The following GATAD2A variants were observed in gnomAD, a reference collection of about 807,000 sequenced individuals.
GATAD2A encodes the protein GATA zinc finger domain containing 2A.
GATAD2A carries 12 observed loss-of-function variants against 68.5 expected under a neutral mutation model. That is an observed-to-expected ratio of 0.18 (90% confidence interval 0.11 to 0.28). The LOEUF (loss-of-function observed/expected upper bound fraction) is 0.28. GATAD2A is among the 10% of genes least tolerant of loss of function. The probability of loss-of-function intolerance (pLI) is 1.00; values close to 1 mark genes in which losing one functional copy is unlikely to be tolerated. For missense variants in GATAD2A, 755 were observed against 868.5 expected (o/e 0.87, Z 1.64); for synonymous variants, 410 against 375.3 (o/e 1.09, Z -1.07).
chr19:19,413,369 C>T (rs1013918948), intron 1 of GATAD2A, among the ~76,000 whole-genome samples: 6 of 152,184 alleles, frequency 3.9e-5, no homozygotes, highest in Non-Finnish European at 8.8e-5. Context: ...CCGTCACTCT[C>T]GAGACCTGTG....
intron 1 of GATAD2A, among the ~76,000 whole-genome samples, chr19:19,455,375 A>T (rs951160935): frequency 1.3e-5 from 2 of 152,092 alleles, no homozygotes; most frequent in Non-Finnish European, 2.9e-5. Context: ...CTGTAGTCCC[A>T]CTTACTCGGG....
chr19:19,439,487 C>T (rs992868215), intron 1 of GATAD2A, among the ~76,000 whole-genome samples: 2 of 151,964 alleles, frequency 1.3e-5, no homozygotes, highest in African/African-American at 4.8e-5. Context: ...TGATGGGAGT[C>T]AGGTAGTGCC....
chr19:19,387,035 CTG>C (rs2048484483), intron 1 of GATAD2A, among the ~76,000 whole-genome samples: 1 of 152,152 alleles, frequency 6.6e-6, no homozygotes, highest in African/African-American at 2.4e-5. Context: ...CCCCATCTCT[CTG>C]AGAGACCCTC....
In GATAD2A at chr19:19,479,423, A is replaced by G. The variant is rs75260583; in HGVS notation, c.270-12883A>G. Among the ~76,000 whole-genome samples the G allele has an allele frequency of 6.8e-3, 1,033 of 152,098 alleles. 6 individuals carry two copies. The highest frequency in any genetic ancestry group is 0.01 in the Middle Eastern group (3 of 294). ...TTAACCGAGTTCATACTTTATTCTG[A>G]TTTCCTCAGTTTTTTCCAGCTGTCC... On this transcript the variant is annotated intron_variant, in intron 2 of 11. Coordinates refer to ENST00000683918, the MANE Select transcript of GATAD2A (RefSeq NM_001384528.1).
chr19:19,486,135 G>C (rs2059411438), intron 2 of GATAD2A, among the ~76,000 whole-genome samples: 1 of 152,206 alleles, frequency 6.6e-6, no homozygotes, highest in South Asian at 2.1e-4. Context: ...CCCTTGGGGG[G>C]TTTGTGAATG....
At position 19,502,000 on chromosome 19, in the gene GATAD2A, G is replaced by A. The variant is rs1376397007; in HGVS notation, c.1535G>A (p.Arg512His). ...VIKPRRKLAF[R>H]SGEARDWSNG... ...AAACCCCGGCGTAAGTTGGCGTTCC[G>A]CTCAGGAGAGGCCCGCGACTGGAGT... Residue 512 changes from arginine to histidine, a missense_variant, in exon 10 of 12, where the codon CGC becomes CAC. Arg to His is a conservative substitution (Grantham distance 29, BLOSUM62 0). Coordinates refer to ENST00000683918, the MANE Select transcript of GATAD2A (RefSeq NM_001384528.1). 9.3e-6 allele frequency: 15 copies of A among 1,613,986 alleles called. No individual in the cohort carries two copies. Among genetic ancestry groups the A allele is most frequent in the East Asian group, 2.2e-5 (1 of 44,880 alleles).
intron 1 of GATAD2A, among the ~76,000 whole-genome samples, chr19:19,386,509 A>G (rs2048432584): frequency 6.6e-6 from 1 of 150,928 alleles, no homozygotes; most frequent in Admixed American, 6.6e-5. Context: ...CTTCCCATCT[A>G]GGGGACCCTT....
chr19:19,454,792 A>G lies in GATAD2A; in HGVS notation c.-6-10548A>G, dbSNP rs985813118. Among the ~76,000 whole-genome samples the G allele has an allele frequency of 3.6e-5, 5 of 140,422 alleles. No homozygotes were observed. The Admixed American group carries it at 3.9e-4, about 11-fold the overall frequency. The allele number at this position is 140,422 out of a possible 152,430, so 92.1% of individuals were successfully genotyped here. On this transcript the variant is annotated intron_variant, in intron 1 of 11. Coordinates refer to ENST00000683918, the MANE Select transcript of GATAD2A (RefSeq NM_001384528.1). ...ACTTTTCTCTGTAGTCCATTCTGCTATAAGGCTTATTTTGGAAAAGCAGAT... is the reference window on the plus strand; with the variant it reads ...ACTTTTCTCTGTAGTCCATTCTGCTGTAAGGCTTATTTTGGAAAAGCAGAT...
intron 1 of GATAD2A, among the ~76,000 whole-genome samples, chr19:19,434,147 A>T (rs1600111475): frequency 6.6e-6 from 1 of 152,044 alleles, no homozygotes; most frequent in East Asian, 1.9e-4. Flanking sequence ...GCTAATGTAG[A>T]TGACTTTTTT....
In GATAD2A at chr19:19,399,192, C is replaced by G. The variant is rs550922946; in HGVS notation, c.-7+13054C>G. Among the ~76,000 whole-genome samples the G allele has an allele frequency of 1.1e-3, 166 of 152,270 alleles. No individual in the cohort carries two copies. The South Asian group carries it at 0.013, about 12-fold the overall frequency. On this transcript the variant is annotated intron_variant, in intron 1 of 11. Coordinates refer to the GATAD2A transcript ENST00000360315. ...TGAGCCGAGATCATGCCACCACACT[C>G]CAGCCTGGATGACAGAGCCAGGCTC...
chr19:19,502,342 G>A lies in GATAD2A; in HGVS notation c.1590G>A (p.Gln530=). ...SNGAVLQASS[Q]LSRGSATTPR... is the part of the protein sequence containing the mutation. ...TTTCTCCACTGCAGGCCTCCAGCCA[G>A]CTGTCCCGGGGTTCGGCCACGACGC... The change falls in exon 11 of 12, where the codon CAG becomes CAA. Residue 530 remains glutamine, a synonymous_variant. Coordinates refer to ENST00000683918, the MANE Select transcript of GATAD2A (RefSeq NM_001384528.1). 1 of 1,610,570 alleles carries A rather than the reference G, an allele frequency of 6.2e-7. No homozygotes were observed. Among genetic ancestry groups the A allele is most frequent in the Non-Finnish European group, 8.5e-7 (1 of 1,178,178 alleles).
rs747050 is a variant in GATAD2A at position 19,474,178 on chromosome 19, C to T, written c.269+8564C>T. ...AGGATCACGGATAGAGTGAGTCCTTCCTGTTTGGACAGATGCTTTTTACAG... is the reference window on the plus strand; with the variant it reads ...AGGATCACGGATAGAGTGAGTCCTTTCTGTTTGGACAGATGCTTTTTACAG... On this transcript the variant is annotated intron_variant, in intron 2 of 11. Coordinates refer to ENST00000683918, the MANE Select transcript of GATAD2A (RefSeq NM_001384528.1). The T allele has an allele frequency of 9.1e-6, 9 of 983,950 alleles. No individual in the cohort carries two copies. The South Asian group carries it at 3.3e-4, about 36-fold the overall frequency. 61.0% of individuals were successfully genotyped at this position (983,950 alleles called of 1,614,324 possible).
chr19:19,402,211 ACCAGGCTGGG>A (rs2049817772), upstream of GATAD2A: 2 of 151,918 alleles, frequency 1.3e-5, no homozygotes, highest in African/African-American at 4.8e-5. Context: ...GGCATGTGCC[ACCAGGCTGGG>A]CTAATTTTTT....
At chr19:19,485,453 T>C (rs1263787233) in intron 2 of GATAD2A, among the ~76,000 whole-genome samples, 1 of 152,202 alleles carries the variant, frequency 6.6e-6, no homozygotes, top group Non-Finnish European at 1.5e-5. Context: ...CCAAAACAGC[T>C]GGGACTGGCT....
At chr19:19,439,312 G>T (rs1568285620) in intron 1 of GATAD2A, among the ~76,000 whole-genome samples, 1 of 152,200 alleles carries the variant, frequency 6.6e-6, no homozygotes, top group Non-Finnish European at 1.5e-5. Flanking sequence ...TCAAAAAATG[G>T]GTGTGACTGT....
At chr19:19,487,410 G>A (rs2059511448) in intron 2 of GATAD2A, among the ~76,000 whole-genome samples, 1 of 152,046 alleles carries the variant, frequency 6.6e-6, no homozygotes, top group South Asian at 2.1e-4. Context: ...GCAAGGCAGG[G>A]GGAGGGAGGG....
intron 1 of GATAD2A, among the ~76,000 whole-genome samples, chr19:19,448,225 T>G (rs1235854627): frequency 3.3e-5 from 5 of 152,238 alleles, no homozygotes; most frequent in Admixed American, 6.5e-5. Flanking sequence ...CTGTGGAGGT[T>G]TAAGACTGCC....
chr19:19,480,621 T>C (rs2058990208), intron 2 of GATAD2A, among the ~76,000 whole-genome samples: 1 of 152,202 alleles, frequency 6.6e-6, no homozygotes, highest in Admixed American at 6.5e-5. Context: ...TGACGTTTAA[T>C]CGCATTTCAT....
exon 1 of GATAD2A, chr19:19,386,129 A>C (rs932090621): frequency 2.0e-5 from 3 of 152,242 alleles, no homozygotes; most frequent in Non-Finnish European, 4.4e-5. Flanking sequence ...GAGGGCGCCG[A>C]GCAACTTCGG....
Sources: gnomAD v4.1 joint callset for allele counts (sites outside exome capture counted in the v4.1 genomes callset) on GRCh38, gnomAD v4.1.1 for gene constraint, MANE v1.5 for transcripts, NCBI Gene and HGNC (gene_info 2026-07-23, HGNC 2026-07-21) for gene names.